Variants in NXPH1 observed in about 807,000 individuals in gnomAD.
The protein encoded by NXPH1 is neurexophilin 1, also known as neurexophilin-1.
In NXPH1, 5 loss-of-function variants were observed where a neutral mutation model predicts 23.7. The ratio of observed to expected loss-of-function variants is 0.21; its 90% CI spans 0.11 to 0.44. The LOEUF (loss-of-function observed/expected upper bound fraction) is 0.44, where lower values mean the gene tolerates loss of function less well. NXPH1 is among the 20% of genes least tolerant of loss of function. The pLI, the probability that NXPH1 is intolerant of heterozygous loss-of-function variation, is 0.99. For synonymous variants in NXPH1, 144 were observed against 122.2 expected (o/e 1.18, Z -1.18); for missense variants, 324 against 321.6 (o/e 1.01, Z -0.06).
intron 2 of NXPH1, among the ~76,000 whole-genome samples, chr7:8,630,570 C>T (rs146644000): frequency 3.2e-4 from 48 of 152,190 alleles, no homozygotes; most frequent in Middle Eastern, 3.4e-3. Flanking sequence ...TAATAAAATC[C>T]ATCATTCAAC....
At chr7:8,534,296 C>A (rs1217668445) in intron 2 of NXPH1, among the ~76,000 whole-genome samples, 3 of 152,034 alleles carry the variant, frequency 2.0e-5, no homozygotes, top group Non-Finnish European at 4.4e-5. Context: ...CCTTCAGAGC[C>A]ATAAAGGAAC....
intron 2 of NXPH1, among the ~76,000 whole-genome samples, chr7:8,634,746 C>T (rs1352015407): frequency 7.1e-6 from 1 of 141,322 alleles, no homozygotes; most frequent in East Asian, 2.2e-4. Flanking sequence ...ATGGAAATGG[C>T]CCAGGAAATG....
chr7:8,717,900 A>ATATATATG (rs1779903643), intron 2 of NXPH1, among the ~76,000 whole-genome samples: 1 of 150,706 alleles, frequency 6.6e-6, no homozygotes, highest in South Asian at 2.1e-4. Flanking sequence ...GTGTGTATAT[A>ATATATATG]TATATATATA....
At chr7:8,667,683 A>T (rs1318542107) in intron 2 of NXPH1, among the ~76,000 whole-genome samples, 1 of 152,002 alleles carries the variant, frequency 6.6e-6, no homozygotes, top group African/African-American at 2.4e-5. Context: ...TTTAGATTGA[A>T]TCTAATTGGA....
At chr7:8,512,823 C>G (rs1296117382) in intron 2 of NXPH1, among the ~76,000 whole-genome samples, 1 of 152,028 alleles carries the variant, frequency 6.6e-6, no homozygotes, top group Non-Finnish European at 1.5e-5. Context: ...CCATGTTGAA[C>G]AGAATTGCAT....
chr7:8,527,829 T>C (rs970844375), intron 2 of NXPH1, among the ~76,000 whole-genome samples: 3 of 152,210 alleles, frequency 2.0e-5, no homozygotes, highest in African/African-American at 7.2e-5. Context: ...CACCCACAAC[T>C]TGATACACTT....
At chr7:8,519,590 A>G (rs565238472) in intron 2 of NXPH1, among the ~76,000 whole-genome samples, 13 of 152,180 alleles carry the variant, frequency 8.5e-5, no homozygotes, top group Non-Finnish European at 1.5e-4. Flanking sequence ...TTTGCTGTGA[A>G]ATTGAATTGT....
At chr7:8,595,244 C>T (rs1819196320) in intron 2 of NXPH1, among the ~76,000 whole-genome samples, 1 of 151,944 alleles carries the variant, frequency 6.6e-6, no homozygotes, top group African/African-American at 2.4e-5. Flanking sequence ...AGAATTCTGG[C>T]TTATGTCACT....
At chr7:8,526,791 T>A (rs1563336234) in intron 2 of NXPH1, among the ~76,000 whole-genome samples, 1 of 152,216 alleles carries the variant, frequency 6.6e-6, no homozygotes, top group East Asian at 1.9e-4. Flanking sequence ...TGTGGAACTC[T>A]AAGTCCAATT....
intron 2 of NXPH1, among the ~76,000 whole-genome samples, chr7:8,706,916 G>A (rs1378959107): frequency 6.6e-6 from 1 of 152,100 alleles, no homozygotes; most frequent in African/African-American, 2.4e-5. Flanking sequence ...GAGTGAGAAG[G>A]GGGTGAGTGA....
At chr7:8,524,143 G>T (rs528498758) in intron 2 of NXPH1, among the ~76,000 whole-genome samples, 1 of 151,098 alleles carries the variant, frequency 6.6e-6, no homozygotes, top group South Asian at 2.1e-4. Context: ...TCAGGAGGTC[G>T]AGGCAGGAGA....
chr7:8,626,448 G>T (rs1416972536), intron 2 of NXPH1, among the ~76,000 whole-genome samples: 1 of 151,668 alleles, frequency 6.6e-6, no homozygotes. Flanking sequence ...TCTGCTGAGG[G>T]TAGCTTGCCA....
At chr7:8,606,935 A>G (rs1819506091) in intron 2 of NXPH1, among the ~76,000 whole-genome samples, 1 of 152,130 alleles carries the variant, frequency 6.6e-6, no homozygotes, top group African/African-American at 2.4e-5. Context: ...TGAAAAGCAA[A>G]CCACTAATTT....
At chr7:8,505,608 A>T (rs1233474629) in intron 2 of NXPH1, among the ~76,000 whole-genome samples, 1 of 152,102 alleles carries the variant, frequency 6.6e-6, no homozygotes, top group African/African-American at 2.4e-5. Context: ...GTGTGTACTT[A>T]TCAGATAATT....
chr7:8,495,681 G>T (rs1817322050), intron 2 of NXPH1, among the ~76,000 whole-genome samples: 1 of 152,072 alleles, frequency 6.6e-6, no homozygotes, highest in African/African-American at 2.4e-5. Context: ...GAAGAAAGAA[G>T]TGGGATGGGT....
intron 2 of NXPH1, among the ~76,000 whole-genome samples, chr7:8,709,095 T>C (rs1165791285): frequency 1.3e-5 from 2 of 152,232 alleles, no homozygotes; most frequent in Non-Finnish European, 2.9e-5. Context: ...TATGACAGTA[T>C]ACATAATTAA....
chr7:8,686,477 G>A lies in NXPH1; in HGVS notation c.55-64531G>A, dbSNP rs560595228. On this transcript the variant is annotated intron_variant, in intron 2 of 2. Coordinates refer to ENST00000405863, the MANE Select transcript of NXPH1 (RefSeq NM_152745.3). ...TTATTACACTTGGATATGACCTTTG[G>A]AAAAATAATATAGTGCCTGGTTTTG... is the stretch of plus-strand genomic sequence containing the variant. Among the ~76,000 whole-genome samples, 6 of 152,084 alleles carry A rather than the reference G, an allele frequency of 3.9e-5. No individual in the cohort carries two copies. In the East Asian group the frequency reaches 1.2e-3, roughly 29 times the overall value.
chr7:8,730,733 TTTGAGGGTAACCC>T (rs1290824818), intron 2 of NXPH1, among the ~76,000 whole-genome samples: 2 of 152,006 alleles, frequency 1.3e-5, no homozygotes, highest in Non-Finnish European at 2.9e-5. Context: ...TGGGCTTCCC[TTTGAGGGTAACCC>T]GACCTTTCTC....
At chr7:8,569,841 G>T (rs986008773) in intron 2 of NXPH1, among the ~76,000 whole-genome samples, 1 of 151,836 alleles carries the variant, frequency 6.6e-6, no homozygotes, top group African/African-American at 2.4e-5. Context: ...TTAGGAGAGG[G>T]ATACCTACGG....
Sources: gnomAD v4.1 joint callset for allele counts (sites outside exome capture counted in the v4.1 genomes callset) on GRCh38, gnomAD v4.1.1 for gene constraint, MANE v1.5 for transcripts, NCBI Gene and HGNC (gene_info 2026-07-23, HGNC 2026-07-21) for gene names.